Variants in ITGA6 observed in about 807,000 individuals in gnomAD.
The protein encoded by ITGA6 is integrin subunit alpha 6.
ITGA6 carries 63 observed loss-of-function variants against 133.6 expected under a neutral mutation model. The ratio of observed to expected loss-of-function variants is 0.47; its 90% CI spans 0.38 to 0.58. The LOEUF (loss-of-function observed/expected upper bound fraction) is 0.58, where lower values mean the gene tolerates loss of function less well. ITGA6 is among the 20% of genes least tolerant of loss of function. The pLI, the probability that ITGA6 is intolerant of heterozygous loss-of-function variation, is 0.00. For missense variants in ITGA6, 1,068 were observed against 1,309.4 expected, an observed-to-expected ratio of 0.82 and a Z score of 2.85; for synonymous variants, 434 against 482.0, an observed-to-expected ratio of 0.90 and a Z score of 1.30.
At chr2:172,478,904 G>A (rs1013364202) in intron 9 of ITGA6, among the ~76,000 whole-genome samples, 7 of 152,164 alleles carry the variant, frequency 4.6e-5, no homozygotes, top group East Asian at 1.9e-4. Flanking sequence ...CTGTAGACAC[G>A]CTGATCATGA....
chr2:172,487,816 T>G lies in ITGA6; in HGVS notation c.2324+9T>G, dbSNP rs1686756320. The G allele has an allele frequency of 3.2e-6, 5 of 1,577,740 alleles. No homozygotes were observed. In the East Asian group the frequency reaches 1.1e-4, roughly 35 times the overall value. On this transcript the variant is annotated intron_variant, in intron 17 of 25. Coordinates refer to ENST00000684293, the MANE Select transcript of ITGA6 (RefSeq NM_000210.4). ...AATCTGAAGTTAGAAACGTAAGAGTTACATCAACCTCTCCATTCAGAATTA... is the reference window on the plus strand; with the variant it reads ...AATCTGAAGTTAGAAACGTAAGAGTGACATCAACCTCTCCATTCAGAATTA...
At chr2:172,432,106 T>G (rs1684128331) in intron 1 of ITGA6, among the ~76,000 whole-genome samples, 1 of 152,238 alleles carries the variant, frequency 6.6e-6, no homozygotes, top group African/African-American at 2.4e-5. Flanking sequence ...TTTGGTATTT[T>G]CAAGAGGGAC....
chr2:172,448,500 A>G (rs1684858656), intron 1 of ITGA6, among the ~76,000 whole-genome samples: 1 of 152,204 alleles, frequency 6.6e-6, no homozygotes, highest in South Asian at 2.1e-4. Context: ...ATTGTCTCTT[A>G]TAGTGTCTCA....
In ITGA6 at chr2:172,463,082, C is replaced by G. The variant is rs117772620; in HGVS notation, c.183-2457C>G. Among the ~76,000 whole-genome samples the G allele has an allele frequency of 1.9e-3, 293 of 152,326 alleles. 6 individuals are homozygous for G. The East Asian group carries it at 0.034, about 18-fold the overall frequency. On this transcript the variant is annotated intron_variant, in intron 1 of 25. Transcript: ENST00000684293. ...CTAGCTCCCTGTGGTTTCATGACCT[C>G]ATGACCTGTTCACGGATCAGGCTTC...
intron 1 of ITGA6, among the ~76,000 whole-genome samples, chr2:172,443,930 A>C (rs1250418796): frequency 6.6e-6 from 1 of 151,858 alleles, no homozygotes; most frequent in Non-Finnish European, 1.5e-5. Flanking sequence ...ATGCACTACC[A>C]CGCCTGGCTA....
rs546632726 is a variant in ITGA6 at position 172,494,500 on chromosome 2, C to T, written c.2988+2977C>T. Reference sequence around the variant, plus strand: ...TCCAGCCAGGACAACAGAGTGAGGCCCTGTCTCAAAACAAACAATAAAAAA... The same window carrying T: ...TCCAGCCAGGACAACAGAGTGAGGCTCTGTCTCAAAACAAACAATAAAAAA... On this transcript the variant is annotated intron_variant, in intron 23 of 25. Coordinates refer to ENST00000684293, the MANE Select transcript of ITGA6 (RefSeq NM_000210.4). Among the ~76,000 whole-genome samples, 5 of 152,140 alleles carry T rather than the reference C, an allele frequency of 3.3e-5. 1 individual carries two copies. The South Asian group carries it at 1.0e-3, about 32-fold the overall frequency.
intron 4 of ITGA6, 74 bp downstream of exon 4, chr2:172,469,454 C>G: frequency 1.3e-6 from 1 of 792,352 alleles, no homozygotes; most frequent in Non-Finnish European, 1.6e-6. Flanking sequence ...ACATTTTGAG[C>G]TAAAATGTGT....
At chr2:172,439,987 C>T (rs13392542) in intron 1 of ITGA6, among the ~76,000 whole-genome samples, 2,664 of 152,298 alleles carry the variant, frequency 0.017, 74 homozygotes, top group African/African-American at 0.061. Context: ...CACTGTCACC[C>T]CTTCCCCTGC....
At chr2:172,475,172 TTAAA>T (rs1489101058) in intron 7 of ITGA6, 50 bp downstream of exon 7, 13 of 1,242,022 alleles carry the variant, frequency 1.0e-5, no homozygotes, top group Non-Finnish European at 1.4e-5. Flanking sequence ...ATTTGATTGT[TTAAA>T]TAATAGCGCT....
intron 11 of ITGA6, among the ~76,000 whole-genome samples, chr2:172,481,931 C>A: frequency 6.6e-6 from 1 of 152,132 alleles, no homozygotes; most frequent in South Asian, 2.1e-4. Context: ...GGATAATGGG[C>A]CCTTTGCCAG....
intron 1 of ITGA6, among the ~76,000 whole-genome samples, chr2:172,433,573 G>A (rs572194357): frequency 4.2e-4 from 64 of 152,314 alleles, no homozygotes; most frequent in African/African-American, 1.4e-3. Flanking sequence ...AGCATTTTGT[G>A]TTTGTTAAAT....
chr2:172,430,164 C>T (rs1684050357), intron 1 of ITGA6, among the ~76,000 whole-genome samples: 1 of 152,194 alleles, frequency 6.6e-6, no homozygotes, highest in Admixed American at 6.5e-5. Flanking sequence ...GGAGATATTA[C>T]TGCTTACTGG....
intron 1 of ITGA6, among the ~76,000 whole-genome samples, chr2:172,456,760 A>T (rs1366534952): frequency 1.3e-5 from 2 of 152,222 alleles, no homozygotes; most frequent in Non-Finnish European, 2.9e-5. Flanking sequence ...GGTCTAGAAT[A>T]GGTGTTTTCT....
intron 3 of ITGA6, among the ~76,000 whole-genome samples, chr2:172,467,847 C>T (rs557576507): frequency 2.6e-5 from 4 of 152,060 alleles, no homozygotes; most frequent in East Asian, 1.9e-4. Context: ...ATTAGCTGGG[C>T]GTAGTGGCAT....
intron 1 of ITGA6, among the ~76,000 whole-genome samples, chr2:172,453,705 T>C (rs1013329721): frequency 6.6e-6 from 1 of 152,236 alleles, no homozygotes; most frequent in East Asian, 1.9e-4. Context: ...CCTACTTTCT[T>C]CCACCTTTAG....
chr2:172,469,053 T>G, intron 3 of ITGA6, 72 bp from the exon 4 acceptor site: 6 of 1,515,618 alleles, frequency 4.0e-6, no homozygotes, highest in Non-Finnish European at 5.5e-6. Context: ...ATTGACCATT[T>G]TATTCATATG....
At position 172,488,161 on chromosome 2, in the gene ITGA6, C is replaced by A. The variant is rs144265145; in HGVS notation, c.2438C>A (p.Thr813Lys). ...AKPSQVYFGG[T>K]VVGEQAMKSE... Reference sequence around the variant, plus strand: ...CCTTCCCAGGTGTATTTTGGAGGTACAGTTGTTGGCGAGCAAGCTATGAAA... The same window carrying A: ...CCTTCCCAGGTGTATTTTGGAGGTAAAGTTGTTGGCGAGCAAGCTATGAAA... Residue 813 changes from threonine to lysine, a missense_variant, in exon 19 of 26, where the codon ACA becomes AAA. Physicochemically the swap from Thr to Lys is moderately conservative, Grantham distance 78 (BLOSUM62 -1). This residue lies in a region of ITGA6 where 609 missense variants were observed against 707.2 expected (regional missense o/e 0.86). Coordinates refer to ENST00000684293, the MANE Select transcript of ITGA6 (RefSeq NM_000210.4). The A allele has an allele frequency of 6.2e-7, 1 of 1,613,952 alleles. No individual in the cohort carries two copies.
chr2:172,439,962 G>T (rs1185506435), intron 1 of ITGA6, among the ~76,000 whole-genome samples: 1 of 152,200 alleles, frequency 6.6e-6, no homozygotes, highest in Non-Finnish European at 1.5e-5. Flanking sequence ...GGCTGGGAGA[G>T]ATAGAAAATA....
rs1237568872 is a variant in ITGA6 at position 172,469,215 on chromosome 2, A to G, written c.478A>G (p.Asn160Asp). The change falls in exon 4 of 26, where the codon AAT (asparagine) becomes GAT (aspartate). Residue 160 changes from asparagine (N) to aspartate (D), a missense_variant. By Grantham distance (23) the Asn-to-Asp change is conservative. Transcript: ENST00000684293. ...TGGGCGGTGTTATGTCCTGAGTCAG[A>G]ATCTCAGGATTGAAGACGATATGGA... is the stretch of plus-strand genomic sequence containing the variant. The part of the protein sequence containing the change: ...IFGRCYVLSQ[N>D]LRIEDDMDGG... 1.9e-6 allele frequency: 3 copies of G among 1,614,004 alleles called. No homozygotes were observed. The highest frequency in any genetic ancestry group is 2.2e-5 in the East Asian group (1 of 44,898).
Sources: allele counts gnomAD v4.1 joint callset (sites outside exome capture counted in the v4.1 genomes callset), GRCh38; gene constraint gnomAD v4.1.1; regional missense constraint gnomAD v4.1.1; transcripts MANE v1.5; gene names NCBI Gene and HGNC (gene_info 2026-07-23, HGNC 2026-07-21).